The following NR2C1 variants were observed in gnomAD, a reference collection of about 807,000 sequenced individuals.
NR2C1 encodes nuclear receptor subfamily 2 group C member 1, also known as TR2 nuclear hormone receptor.
Under a neutral mutation model 74.8 loss-of-function variants are expected in NR2C1, and 33 were observed. That is an observed-to-expected ratio of 0.44 (90% confidence interval 0.33 to 0.59). The LOEUF is 0.59. Ranked by LOEUF, NR2C1 falls within the 20% of genes least tolerant of loss-of-function variation. The probability of loss-of-function intolerance (pLI) is 0.02; values close to 1 mark genes in which losing one functional copy is unlikely to be tolerated. For synonymous variants in NR2C1, 225 were observed against 240.6 expected, an observed-to-expected ratio of 0.94 and a Z score of 0.60; for missense variants, 568 against 715.6, an observed-to-expected ratio of 0.79 and a Z score of 2.35.
At chr12:95,028,587 A>G in intron 11 of NR2C1, 63 bp from the exon 12 acceptor site, 1 of 1,190,218 alleles carries the variant, frequency 8.4e-7, no homozygotes, top group Non-Finnish European at 1.2e-6. Flanking sequence ...ACTTTCATCC[A>G]ATATATTTCC....
intron 11 of NR2C1, chr12:95,030,614 G>T (rs1869962439): frequency 1.2e-6 from 2 of 1,613,018 alleles, no homozygotes; most frequent in Non-Finnish European, 1.7e-6. Flanking sequence ...GACATTTTAA[G>T]GTGATTACCC....
intron 10 of NR2C1, among the ~76,000 whole-genome samples, chr12:95,033,090 G>A (rs972159924): frequency 6.6e-6 from 1 of 151,330 alleles, no homozygotes; most frequent in African/African-American, 2.4e-5. Flanking sequence ...CACCATGATT[G>A]CATCTGTGAA....
At chr12:95,053,263 C>T (rs1440535984) in intron 7 of NR2C1, among the ~76,000 whole-genome samples, 7 of 151,930 alleles carry the variant, frequency 4.6e-5, no homozygotes, top group African/African-American at 7.3e-5. Flanking sequence ...CATGAGCCAC[C>T]GTGCCCGGCT....
chr12:95,052,179 T>TG (rs555563740), intron 7 of NR2C1, among the ~76,000 whole-genome samples: 300 of 150,872 alleles, frequency 2.0e-3, no homozygotes, highest in African/African-American at 6.9e-3. Context: ...TTTTGGGAGA[T>TG]GGAGTCTCAC....
At chr12:95,051,727 A>G in intron 8 of NR2C1, 35 bp downstream of exon 8, 1 of 1,548,816 alleles carries the variant, frequency 6.5e-7, no homozygotes, top group South Asian at 1.2e-5. Flanking sequence ...AAGACATGTA[A>G]ACAAAAGGAC....
At chr12:95,058,039 A>C (rs1423574965) in intron 5 of NR2C1, 161 bp from the exon 6 acceptor site, 1 of 758,784 alleles carries the variant, frequency 1.3e-6, no homozygotes, top group Non-Finnish European at 2.1e-6. Context: ...AAGTTCAACA[A>C]AGTTGCTTTA....
rs1228502031 is a variant in NR2C1, at chr12:95,020,803, GGA to G, written c.*1424_*1425del. On this transcript the variant is annotated 3_prime_UTR_variant, in exon 14 of 14. Coordinates refer to ENST00000333003, the MANE Select transcript of NR2C1 (RefSeq NM_003297.4). Reference sequence around the variant, plus strand: ...GTTTGCTAAAAGAATAAATTACTGTGGAAGACATCCGAGGAGTCTAAAATGAA... The same window carrying G: ...GTTTGCTAAAAGAATAAATTACTGTGAGACATCCGAGGAGTCTAAAATGAA... The G allele has an allele frequency of 5.3e-5, 8 of 152,144 alleles. No homozygotes were observed. The highest frequency in any genetic ancestry group is 1.9e-4 in the African/African-American group (8 of 41,438). The allele number at this position is 152,144 out of a possible 1,614,324, so 9.4% of individuals were successfully genotyped here.
intron 8 of NR2C1, 145 bp downstream of exon 8, chr12:95,051,617 A>G (rs1349501731): frequency 2.9e-6 from 2 of 691,644 alleles, no homozygotes; most frequent in Non-Finnish European, 4.6e-6. Flanking sequence ...AGCATTTCGG[A>G]TAAGAGATAA....
intron 9 of NR2C1, 22 bp downstream of exon 9, chr12:95,049,046 T>TA (rs563172019): frequency 4.7e-5 from 75 of 1,601,748 alleles, no homozygotes; most frequent in Middle Eastern, 1.7e-4. Flanking sequence ...ACATACAAGT[T>TA]AAAAAAAACA....
intron 11 of NR2C1, among the ~76,000 whole-genome samples, chr12:95,029,846 C>T (rs891156676): frequency 6.6e-6 from 1 of 152,010 alleles, no homozygotes; most frequent in Non-Finnish European, 1.5e-5. Flanking sequence ...CGTGAGCTAC[C>T]GCGCCCAACA....
chr12:95,040,686 C>A, intron 9 of NR2C1, 89 bp from the exon 10 acceptor site: 3 of 1,195,436 alleles, frequency 2.5e-6, no homozygotes, highest in Non-Finnish European at 3.5e-6. Flanking sequence ...CGTAACACAT[C>A]AAATGAGAGC....
chr12:95,053,453 A>C (rs967997076), intron 7 of NR2C1, among the ~76,000 whole-genome samples: 6 of 152,102 alleles, frequency 3.9e-5, no homozygotes, highest in African/African-American at 1.2e-4. Context: ...TCAGAGCAAG[A>C]AGCTGATATC....
intron 10 of NR2C1, among the ~76,000 whole-genome samples, chr12:95,035,869 T>A (rs1870755961): frequency 6.6e-6 from 1 of 152,252 alleles, no homozygotes; most frequent in Non-Finnish European, 1.5e-5. Context: ...ATGGCTTAGA[T>A]GCATTTACAT....
chr12:95,029,620 C>T (rs566993789), intron 11 of NR2C1, among the ~76,000 whole-genome samples: 6 of 148,704 alleles, frequency 4.0e-5, no homozygotes, highest in Admixed American at 1.3e-4. Flanking sequence ...TGCAGTGGCA[C>T]GATCTCGGCT....
In NR2C1 at chr12:95,051,942, G is replaced by A. The variant is rs765004282; in HGVS notation, c.785C>T (p.Ala262Val). The A allele has an allele frequency of 1.9e-6, 3 of 1,548,310 alleles. No individual in the cohort carries two copies. The highest frequency in any genetic ancestry group is 2.3e-5 in the East Asian group (1 of 43,554). The change falls in exon 8 of 14, where the codon GCT (alanine) becomes GTT (valine). Residue 262 changes from alanine to valine, a missense_variant and splice_region_variant. Ala to Val is a moderately conservative substitution (Grantham distance 64). Coordinates refer to ENST00000333003, the MANE Select transcript of NR2C1 (RefSeq NM_003297.4). Reference protein sequence around the residue: ...ESAVLMTSDKAESCQGDLSTL... With the variant: ...ESAVLMTSDKVESCQGDLSTL... The stretch of plus-strand genomic sequence containing the variant: ...ACTTAAATCTCCCTGACATGATTCA[G>A]CCTTTAAAAAAAAGGGTATTAAAAT...
intron 4 of NR2C1, among the ~76,000 whole-genome samples, chr12:95,059,629 T>C (rs1330315677): frequency 2.6e-5 from 4 of 152,110 alleles, no homozygotes; most frequent in Non-Finnish European, 5.9e-5. Flanking sequence ...GAGAATTTCT[T>C]GAATCCAGGA....
At chr12:95,048,725 A>C (rs887063394) in intron 9 of NR2C1, among the ~76,000 whole-genome samples, 4 of 151,380 alleles carry the variant, frequency 2.6e-5, no homozygotes, top group African/African-American at 7.3e-5. Flanking sequence ...CCCGAGTTCA[A>C]TCGATTGTCC....
chr12:95,055,672 G>A (rs932902644), intron 7 of NR2C1, among the ~76,000 whole-genome samples: 3 of 152,040 alleles, frequency 2.0e-5, no homozygotes, highest in Admixed American at 1.3e-4. Context: ...ATCAGATCCC[G>A]GCCGGGCGCA....
chr12:95,050,198 A>C (rs544406851), intron 8 of NR2C1, among the ~76,000 whole-genome samples: 8 of 152,338 alleles, frequency 5.3e-5, no homozygotes, highest in Non-Finnish European at 7.3e-5. Context: ...ATAATTACTC[A>C]AAATAGTTCC....
Sources: gnomAD v4.1 joint callset for allele counts (sites outside exome capture counted in the v4.1 genomes callset) on GRCh38, gnomAD v4.1.1 for gene constraint, MANE v1.5 for transcripts, NCBI Gene and HGNC (gene_info 2026-07-23, HGNC 2026-07-21) for gene names.